Variants in CUL5 observed in about 807,000 individuals in gnomAD.
The protein encoded by CUL5 is cullin-5.
Under a neutral mutation model 108.8 loss-of-function variants are expected in CUL5, and 26 were observed. That is an observed-to-expected ratio of 0.24 (90% CI 0.18 to 0.33). CUL5 has a LOEUF of 0.33. Among genes scored for constraint, CUL5 ranks in the 10% least tolerant of loss-of-function variants. The pLI, the probability that CUL5 is intolerant of heterozygous loss-of-function variation, is 1.00. For missense variants in CUL5, 524 were observed against 909.2 expected, an observed-to-expected ratio of 0.58 and a Z score of 5.45; for synonymous variants, 334 against 298.0, an observed-to-expected ratio of 1.12 and a Z score of -1.25.
chr11:108,098,578 T>G (rs780160938), intron 18 of CUL5, 49 bp downstream of exon 18: 47 of 1,395,432 alleles, frequency 3.4e-5, no homozygotes, highest in Middle Eastern at 2.0e-4. Context: ...CTTTAGTTTT[T>G]TTTTTTTTTT....
chr11:108,097,648 T>C lies in CUL5; in HGVS notation c.1918T>C (p.Phe640Leu). 6.2e-7 allele frequency: 1 copy of C among 1,608,292 alleles called. No individual in the cohort carries two copies. Among genetic ancestry groups the C allele is most frequent in the Non-Finnish European group, 8.5e-7 (1 of 1,174,836 alleles). ...TTATTCTTCATAGTCTTTAGTAGCT[T>C]TCCCAAAACTCAAACGGCAAGTTTT... ...LRRTLWSLVAFPKLKRQVLLY... is the reference protein window; with the variant it reads ...LRRTLWSLVALPKLKRQVLLY... Residue 640 changes from phenylalanine (F) to leucine (L), a missense_variant, in exon 17 of 19, where the codon TTC (phenylalanine) becomes CTC (leucine). Transcript: ENST00000393094.
chr11:108,029,750 A>G (rs1862531776), intron 1 of CUL5, among the ~76,000 whole-genome samples: 1 of 152,214 alleles, frequency 6.6e-6, no homozygotes, highest in Non-Finnish European at 1.5e-5. Context: ...CGTGTTTATT[A>G]TGTGTTCCAT....
rs577942701 is a variant in CUL5, at chr11:108,025,296, T to C, written c.25-8506T>C. Among the ~76,000 whole-genome samples, 11 of 152,332 alleles carry C rather than the reference T, an allele frequency of 7.2e-5. No individual in the cohort carries two copies. In the East Asian group the frequency reaches 1.9e-3, roughly 27 times the overall value. On this transcript the variant is annotated intron_variant, in intron 1 of 18. Transcript: ENST00000393094. The stretch of plus-strand genomic sequence containing the variant: ...GCTTCTTTTGGTGATTTTTTTTGTC[T>C]TGGTGATAGTTTATATTTTCCTGTT...
chr11:108,081,086 A>G (rs2135206685), intron 11 of CUL5, among the ~76,000 whole-genome samples: 1 of 152,168 alleles, frequency 6.6e-6, no homozygotes, highest in Admixed American at 6.5e-5. Flanking sequence ...CAGGAGTTCA[A>G]GACCAGCCTG....
intron 2 of CUL5, among the ~76,000 whole-genome samples, chr11:108,041,023 A>G (rs1862892415): frequency 6.6e-6 from 1 of 152,200 alleles, no homozygotes; most frequent in Non-Finnish European, 1.5e-5. Flanking sequence ...TGATTTGAGT[A>G]CGGCAGGGTT....
chr11:108,049,852 C>G (rs1156563116), intron 3 of CUL5, 38 bp from the exon 4 acceptor site: 5 of 1,537,178 alleles, frequency 3.3e-6, no homozygotes, highest in South Asian at 2.4e-5. Context: ...TTCAAAGCAA[C>G]TGCATTTATT....
At chr11:108,051,580 G>GT (rs1863222479) in intron 4 of CUL5, among the ~76,000 whole-genome samples, 2 of 152,160 alleles carry the variant, frequency 1.3e-5, no homozygotes, top group Non-Finnish European at 2.9e-5. Flanking sequence ...TGTCATTAAT[G>GT]TATCTCCTAC....
chr11:108,039,723 C>T (rs921127027), intron 2 of CUL5, among the ~76,000 whole-genome samples: 65 of 152,240 alleles, frequency 4.3e-4, no homozygotes, highest in African/African-American at 1.5e-3. Context: ...TAGTATTTGT[C>T]GTTTGGAAAG....
At chr11:108,063,145 A>C (rs749072904) in intron 7 of CUL5, among the ~76,000 whole-genome samples, 6 of 152,108 alleles carry the variant, frequency 3.9e-5, no homozygotes, top group Non-Finnish European at 7.4e-5. Flanking sequence ...GCACCCGACT[A>C]TTCATTCTGG....
At chr11:108,092,496 A>G (rs1218020257) in intron 13 of CUL5, among the ~76,000 whole-genome samples, 3 of 152,264 alleles carry the variant, frequency 2.0e-5, no homozygotes, top group Admixed American at 6.5e-5. Flanking sequence ...TATCCATACA[A>G]TGGAATATTT....
chr11:108,097,073 A>G (rs1864520415), intron 16 of CUL5, among the ~76,000 whole-genome samples: 1 of 152,094 alleles, frequency 6.6e-6, no homozygotes, highest in South Asian at 2.1e-4. Flanking sequence ...GTTGGAGTTC[A>G]GTGGCACAAT....
At chr11:108,046,072 A>G (rs1297266890) in intron 2 of CUL5, among the ~76,000 whole-genome samples, 198 bp from the exon 3 acceptor site, 1 of 152,144 alleles carries the variant, frequency 6.6e-6, no homozygotes, top group African/African-American at 2.4e-5. Context: ...GAGGAAAACA[A>G]TGGCTAAAGA....
chr11:108,055,961 T>C (rs958159455), intron 7 of CUL5, among the ~76,000 whole-genome samples: 11 of 152,172 alleles, frequency 7.2e-5, no homozygotes, highest in African/African-American at 2.4e-4. Context: ...TTATTTTTCA[T>C]AGAGAGCAGG....
intron 7 of CUL5, among the ~76,000 whole-genome samples, chr11:108,068,534 T>C (rs1260820011): frequency 1.3e-5 from 2 of 152,166 alleles, no homozygotes; most frequent in African/African-American, 4.8e-5. Context: ...CCCCATTACC[T>C]AAATTCAGCT....
intron 1 of CUL5, among the ~76,000 whole-genome samples, chr11:108,025,474 C>CT (rs1862430351): frequency 6.6e-6 from 1 of 152,104 alleles, no homozygotes; most frequent in Non-Finnish European, 1.5e-5. Context: ...TGAAGCTTAC[C>CT]TTTAAGTTTC....
intron 18 of CUL5, among the ~76,000 whole-genome samples, chr11:108,103,052 T>C (rs905965966): frequency 1.5e-4 from 23 of 152,118 alleles, no homozygotes; most frequent in African/African-American, 5.3e-4. Flanking sequence ...CACATCACCC[T>C]CCCAAAGTGC....
intron 13 of CUL5, among the ~76,000 whole-genome samples, chr11:108,091,732 C>CGT (rs1555024091): frequency 6.7e-6 from 1 of 149,806 alleles, no homozygotes; most frequent in African/African-American, 2.5e-5. Context: ...CACACACACA[C>CGT]GACAAATAAT....
intron 1 of CUL5, among the ~76,000 whole-genome samples, chr11:108,012,030 T>C (rs1258902051): frequency 6.6e-6 from 1 of 152,238 alleles, no homozygotes; most frequent in Non-Finnish European, 1.5e-5. Context: ...ATGTAAAGAT[T>C]TGTGTAGCAC....
At chr11:108,055,636 A>C (rs1452972614) in intron 7 of CUL5, among the ~76,000 whole-genome samples, 1 of 150,128 alleles carries the variant, frequency 6.7e-6, no homozygotes, top group Non-Finnish European at 1.5e-5. Flanking sequence ...TATATACTTT[A>C]TCTTTTTTTT....
Sources: allele counts gnomAD v4.1 joint callset (sites outside exome capture counted in the v4.1 genomes callset), GRCh38; gene constraint gnomAD v4.1.1; transcripts MANE v1.5; gene names NCBI Gene and HGNC (gene_info 2026-07-23, HGNC 2026-07-21).